The following MLLT10 variants were observed in gnomAD, a reference collection of about 807,000 sequenced individuals.
MLLT10 encodes MLLT10 histone lysine methyltransferase DOT1L cofactor.
In MLLT10, 30 loss-of-function variants were observed where a neutral mutation model predicts 129.1. The ratio of observed to expected loss-of-function variants is 0.23; its 90% confidence interval spans 0.17 to 0.32. The LOEUF (loss-of-function observed/expected upper bound fraction) is 0.32, where lower values mean the gene tolerates loss of function less well. Ranked by LOEUF, MLLT10 falls within the 10% of genes least tolerant of loss-of-function variation. The pLI, the probability that MLLT10 is intolerant of heterozygous loss-of-function variation, is 1.00. For missense variants in MLLT10, 1,119 were observed against 1,268.3 expected (o/e 0.88, Z 1.79); for synonymous variants, 490 against 446.4 (o/e 1.10, Z -1.23).
chr10:21,586,391 G>A (rs1449936880), intron 4 of MLLT10, 43 bp downstream of exon 4: 1 of 1,291,914 alleles, frequency 7.7e-7, no homozygotes. Flanking sequence ...TTGAAAACTG[G>A]GACAGTGGAG....
chr10:21,635,762 T>C (rs1207039238), intron 8 of MLLT10, among the ~76,000 whole-genome samples: 2 of 150,910 alleles, frequency 1.3e-5, no homozygotes, highest in South Asian at 2.1e-4. Context: ...GTTTCACTCT[T>C]GTCTCCCAGT....
At chr10:21,559,191 C>G (rs1353118321) in intron 3 of MLLT10, among the ~76,000 whole-genome samples, 1 of 152,230 alleles carries the variant, frequency 6.6e-6, no homozygotes, top group Non-Finnish European at 1.5e-5. Context: ...TCAAGTGATT[C>G]TCCTGCCTCA....
chr10:21,534,902 C>T, intron 2 of MLLT10, 98 bp downstream of exon 2: 18 of 893,918 alleles, frequency 2.0e-5, no homozygotes, highest in Non-Finnish European at 2.4e-5. Context: ...CGCCCCGTGC[C>T]GCGGCCGCGG....
chr10:21,665,301 TGG>T (rs60935994), intron 9 of MLLT10, among the ~76,000 whole-genome samples: 35,616 of 113,078 alleles, frequency 0.31, 5,416 homozygotes, highest in Middle Eastern at 0.58. Flanking sequence ...TTGTTTTTTT[TGG>T]GGGGGGGGGG....
chr10:21,672,751 A>T (rs767306851), intron 10 of MLLT10, among the ~76,000 whole-genome samples: 5 of 152,200 alleles, frequency 3.3e-5, no homozygotes, highest in Non-Finnish European at 5.9e-5. Context: ...TATGATCATT[A>T]TTTTGTCAAA....
intron 22 of MLLT10, 93 bp from the exon 23 acceptor site, chr10:21,741,846 A>C (rs565583674): frequency 1.5e-6 from 2 of 1,365,632 alleles, no homozygotes; most frequent in African/African-American, 2.9e-5. Context: ...GTAACTTTCT[A>C]TACCACATTT....
Position 21,673,459 on chromosome 10 carries a change from C to A in MLLT10, c.1161C>A (p.Tyr387Ter). The change falls in exon 11 of 23, where the codon TAC (tyrosine) becomes TAA (stop). Residue 387 changes from tyrosine (Y) to a stop codon, truncating the protein, a stop_gained. Transcript: ENST00000307729. LOFTEE classifies it high-confidence loss of function. ...ACTCAGATCTGCGTAATGACAGTTA[C>A]TCTCACTCCCAACAGTCATCAGCAA... The part of the protein sequence containing the change: ...FTDSDLRNDS[Y>*]SHSQQSSATK... 1 of 1,613,598 alleles carries A rather than the reference C, an allele frequency of 6.2e-7. No homozygotes were observed. Among genetic ancestry groups the A allele is most frequent in the South Asian group, 1.1e-5 (1 of 91,056 alleles).
At chr10:21,739,977 T>C in intron 21 of MLLT10, 53 bp from the exon 22 acceptor site, 1 of 1,418,908 alleles carries the variant, frequency 7.0e-7, no homozygotes, top group Non-Finnish European at 9.7e-7. Flanking sequence ...CTCATCTGAC[T>C]GCTGAATTCC....
intron 13 of MLLT10, among the ~76,000 whole-genome samples, chr10:21,683,349 A>G (rs1039249645): frequency 2.0e-5 from 3 of 152,200 alleles, no homozygotes; most frequent in Admixed American, 6.5e-5. Context: ...CCTCAACACT[A>G]GGTATCTACA....
chr10:21,612,500 G>A (rs945768393), intron 6 of MLLT10, 49 bp downstream of exon 6: 2 of 1,163,998 alleles, frequency 1.7e-6, no homozygotes, highest in East Asian at 2.4e-5. Flanking sequence ...TAAATACCTT[G>A]TGTAACAATC....
intron 13 of MLLT10, among the ~76,000 whole-genome samples, chr10:21,711,225 C>A (rs1408372395): frequency 6.6e-6 from 1 of 151,858 alleles, no homozygotes; most frequent in African/African-American, 2.4e-5. Flanking sequence ...GAGTTTGAGA[C>A]CAGCCTGGCC....
At chr10:21,651,903 CTTTTT>C (rs775460288) in intron 9 of MLLT10, 135 bp downstream of exon 9, 273 of 133,530 alleles carry the variant, frequency 2.0e-3, no homozygotes, top group South Asian at 3.9e-3. Flanking sequence ...ATTCTCATTT[CTTTTT>C]TTTTTTTTTT....
At chr10:21,634,240 AAC>A (rs1306456110) in intron 8 of MLLT10, among the ~76,000 whole-genome samples, 1 of 152,152 alleles carries the variant, frequency 6.6e-6, no homozygotes, top group East Asian at 1.9e-4. Context: ...CAAAAAATAA[AAC>A]AGTTACCAGG....
In MLLT10 at chr10:21,683,416, G is replaced by A. The variant is rs529659290; in HGVS notation, c.1699+1159G>A. Among the ~76,000 whole-genome samples, 3 of 152,294 alleles carry A rather than the reference G, an allele frequency of 2.0e-5. No individual in the cohort carries two copies. In the East Asian group the frequency reaches 5.8e-4, roughly 29 times the overall value. On this transcript the variant is annotated intron_variant, in intron 13 of 22. Coordinates refer to ENST00000307729, the MANE Select transcript of MLLT10 (RefSeq NM_001195626.3). ...AAAATAAACTTGTTACTGTTATTTG[G>A]TAGAGAAGTGTAAAAGCTGAGGATG...
At chr10:21,580,576 G>T (rs1217643714) in intron 3 of MLLT10, among the ~76,000 whole-genome samples, 1 of 152,042 alleles carries the variant, frequency 6.6e-6, no homozygotes, top group African/African-American at 2.4e-5. Context: ...ATTTTTAGTA[G>T]AGACGGGGTT....
chr10:21,711,221 G>A (rs557848569), intron 13 of MLLT10, among the ~76,000 whole-genome samples: 1 of 152,220 alleles, frequency 6.6e-6, no homozygotes, highest in South Asian at 2.1e-4. Context: ...TCAGGAGTTT[G>A]AGACCAGCCT....
In MLLT10 at chr10:21,569,535, C is replaced by T. The variant is rs188796418; in HGVS notation, c.241-16759C>T. The stretch of plus-strand genomic sequence containing the variant: ...TCCTGGGTTCAAGCGATTCTCCTGC[C>T]TCAGCCTCCCGAGTAGCTAGGATTA... On this transcript the variant is annotated intron_variant, in intron 3 of 22. Transcript: ENST00000307729. Among the ~76,000 whole-genome samples, 583 of 151,666 alleles carry T rather than the reference C, an allele frequency of 3.8e-3. 8 individuals carry two copies. The highest frequency in any genetic ancestry group is 0.014 in the African/African-American group (558 of 41,318).
At chr10:21,726,808 T>C (rs1176643617) in intron 15 of MLLT10, among the ~76,000 whole-genome samples, 1 of 151,488 alleles carries the variant, frequency 6.6e-6, no homozygotes, top group African/African-American at 2.4e-5. Flanking sequence ...CTCAGTTCTA[T>C]GCAATGAAAG....
At position 21,673,507 on chromosome 10, in the gene MLLT10, G is replaced by T. The variant is rs781599601; in HGVS notation, c.1209G>T (p.Glu403Asp). ...CAACCAAAGATGTACATAAAGGAGAGTCTGGAAGCCAGGAAGGGGGGGTAA... is the reference window on the plus strand; with the variant it reads ...CAACCAAAGATGTACATAAAGGAGATTCTGGAAGCCAGGAAGGGGGGGTAA... ...SSATKDVHKG[E>D]SGSQEGGVNS... is the part of the protein sequence containing the mutation. Residue 403 changes from glutamate to aspartate, a missense_variant, in exon 11 of 23, where the codon GAG (glutamate) becomes GAT (aspartate). By Grantham distance (45) the Glu-to-Asp change is conservative. Coordinates refer to ENST00000307729, the MANE Select transcript of MLLT10 (RefSeq NM_001195626.3). 30 of 1,613,600 alleles carry T rather than the reference G, an allele frequency of 1.9e-5. No individual in the cohort carries two copies. The South Asian group carries it at 3.1e-4, about 17-fold the overall frequency.
Sources: allele counts gnomAD v4.1 joint callset (sites outside exome capture counted in the v4.1 genomes callset), GRCh38; gene constraint gnomAD v4.1.1; transcripts MANE v1.5; gene names NCBI Gene and HGNC (gene_info 2026-07-23, HGNC 2026-07-21).